Variants in EIF4EBP1 observed in about 807,000 individuals in gnomAD.
EIF4EBP1 encodes the protein eukaryotic translation initiation factor 4E-binding protein 1.
EIF4EBP1 carries 5 observed loss-of-function variants against 9.2 expected under a neutral mutation model. The ratio of observed to expected loss-of-function variants is 0.54; its 90% CI spans 0.28 to 1.14. EIF4EBP1 has a LOEUF of 1.14. Among genes scored for constraint, EIF4EBP1 ranks in the 50% most tolerant of loss-of-function variants. The pLI is 0.09. For missense variants in EIF4EBP1, 139 were observed against 169.6 expected, an observed-to-expected ratio of 0.82 and a Z score of 1.00; for synonymous variants, 62 against 67.0, an observed-to-expected ratio of 0.93 and a Z score of 0.36.
At chr8:38,051,812 G>A (rs939191046) in intron 1 of EIF4EBP1, among the ~76,000 whole-genome samples, 1 of 152,128 alleles carries the variant, frequency 6.6e-6, no homozygotes, top group Non-Finnish European at 1.5e-5. Context: ...GGCCAGGCTG[G>A]TCTCGAACTC....
chr8:38,036,559 G>C (rs189285813), intron 1 of EIF4EBP1, among the ~76,000 whole-genome samples: 8 of 152,270 alleles, frequency 5.3e-5, no homozygotes, highest in Admixed American at 2.0e-4. Flanking sequence ...GGTCAGCAGA[G>C]CAATACCATA....
At chr8:38,056,101 C>T (rs1809591625) in intron 1 of EIF4EBP1, among the ~76,000 whole-genome samples, 1 of 152,094 alleles carries the variant, frequency 6.6e-6, no homozygotes, top group South Asian at 2.1e-4. Flanking sequence ...AAGCAATCCT[C>T]CCGTCTCAGC....
At chr8:38,053,746 G>A (rs1476221408) in intron 1 of EIF4EBP1, among the ~76,000 whole-genome samples, 1 of 152,162 alleles carries the variant, frequency 6.6e-6, no homozygotes, top group Admixed American at 6.6e-5. Flanking sequence ...CCTATCACAT[G>A]CTACAGTGTG....
chr8:38,045,275 C>T (rs1314697424), intron 1 of EIF4EBP1, among the ~76,000 whole-genome samples: 1 of 152,142 alleles, frequency 6.6e-6, no homozygotes, highest in Admixed American at 6.6e-5. Flanking sequence ...GAACATCTGC[C>T]TCCAAGCACT....
chr8:38,030,874 G>T (rs947126535), intron 1 of EIF4EBP1, among the ~76,000 whole-genome samples, 156 bp downstream of exon 1: 1 of 152,218 alleles, frequency 6.6e-6, no homozygotes, highest in Non-Finnish European at 1.5e-5. Context: ...GGAAGTGGCC[G>T]CCCGCTTCCC....
intron 1 of EIF4EBP1, among the ~76,000 whole-genome samples, chr8:38,056,278 T>C (rs1809593862): frequency 6.6e-6 from 1 of 152,128 alleles, no homozygotes; most frequent in Admixed American, 6.5e-5. Flanking sequence ...AGGTGTGAGC[T>C]ACCACACCTG....
In EIF4EBP1 at chr8:38,037,469, C is replaced by T. The variant is rs373108198; in HGVS notation, c.145+6751C>T. Among the ~76,000 whole-genome samples the T allele has an allele frequency of 3.9e-5, 6 of 152,256 alleles. No individual in the cohort carries two copies. The East Asian group carries it at 1.2e-3, about 29-fold the overall frequency. ...TAGCTGGGATTACAGGCACGCACCACCACACCCAGCTAATTTTTGTATTTT... is the reference window on the plus strand; with the variant it reads ...TAGCTGGGATTACAGGCACGCACCATCACACCCAGCTAATTTTTGTATTTT... On this transcript the variant is annotated intron_variant, in intron 1 of 2. Transcript: ENST00000338825.
chr8:38,034,495 G>A (rs1030339507), intron 1 of EIF4EBP1, among the ~76,000 whole-genome samples: 2 of 152,150 alleles, frequency 1.3e-5, no homozygotes, highest in Non-Finnish European at 2.9e-5. Flanking sequence ...AATATCCAGC[G>A]ACACCATAAA....
intron 1 of EIF4EBP1, among the ~76,000 whole-genome samples, chr8:38,051,479 T>C (rs1364687275): frequency 6.6e-6 from 1 of 152,216 alleles, no homozygotes; most frequent in Non-Finnish European, 1.5e-5. Flanking sequence ...AAGTACTTCA[T>C]ACTCTTTGTA....
chr8:38,036,003 G>A (rs191994980), intron 1 of EIF4EBP1, among the ~76,000 whole-genome samples: 5 of 148,600 alleles, frequency 3.4e-5, no homozygotes, highest in East Asian at 2.1e-4. Flanking sequence ...CACCGCGCCC[G>A]GCCTATTTTA....
chr8:38,052,051 G>C (rs894881489), intron 1 of EIF4EBP1, among the ~76,000 whole-genome samples: 3 of 152,306 alleles, frequency 2.0e-5, no homozygotes, highest in Non-Finnish European at 2.9e-5. Context: ...TGGCTAAAGA[G>C]TTTTATGTGG....
At chr8:38,030,749 G>T (rs1397054255) in intron 1 of EIF4EBP1, 31 bp downstream of exon 1, 1 of 1,374,972 alleles carries the variant, frequency 7.3e-7, no homozygotes, top group Non-Finnish European at 9.3e-7. Flanking sequence ...GCCGCTTGCC[G>T]GCTCCTGGGC....
chr8:38,060,306 C>T lies in EIF4EBP1; in HGVS notation c.*371C>T. ...CCTTAGGTTGATGTGCTTGGGAAAG[C>T]TCCCTCCCCCTCCTTCCCCAAGAGA... On this transcript the variant is annotated 3_prime_UTR_variant, in exon 3 of 3. Transcript: ENST00000338825. 3.1e-6 allele frequency: 1 copy of T among 323,206 alleles called. No individual in the cohort carries two copies. Among genetic ancestry groups the T allele is most frequent in the Non-Finnish European group, 5.8e-6 (1 of 172,210 alleles). The allele number at this position is 323,206 out of a possible 1,614,324, so 20.0% of individuals were successfully genotyped here. A position where few individuals can be genotyped will look rare whatever the true frequency, so the allele number is the denominator to read the frequency against.
chr8:38,039,018 G>T (rs1585523389), intron 1 of EIF4EBP1, among the ~76,000 whole-genome samples: 2 of 151,110 alleles, frequency 1.3e-5, no homozygotes. Context: ...TCAGCCTCCT[G>T]AGTAGCTGGG....
intron 1 of EIF4EBP1, among the ~76,000 whole-genome samples, chr8:38,033,576 C>T (rs995430073): frequency 2.0e-5 from 3 of 151,542 alleles, no homozygotes; most frequent in African/African-American, 7.3e-5. Context: ...GCATGGCTGT[C>T]TGCACCTGCT....
At chr8:38,052,124 C>T (rs2130395891) in intron 1 of EIF4EBP1, among the ~76,000 whole-genome samples, 1 of 152,346 alleles carries the variant, frequency 6.6e-6, no homozygotes, top group South Asian at 2.1e-4. Flanking sequence ...TGTCAGACCA[C>T]ACCTGACCAG....
chr8:38,057,331 T>C, intron 2 of EIF4EBP1, 71 bp downstream of exon 2: 1 of 1,503,938 alleles, frequency 6.6e-7, no homozygotes, highest in Non-Finnish European at 8.9e-7. Context: ...GTCCATCCAC[T>C]GGGGGCAATT....
intron 1 of EIF4EBP1, among the ~76,000 whole-genome samples, chr8:38,038,328 G>A (rs1461057859): frequency 6.6e-6 from 1 of 151,232 alleles, no homozygotes; most frequent in Non-Finnish European, 1.5e-5. Context: ...CTAACATGGT[G>A]AAACCCCGTC....
chr8:38,040,409 C>T (rs886738327), intron 1 of EIF4EBP1, among the ~76,000 whole-genome samples: 1 of 152,226 alleles, frequency 6.6e-6, no homozygotes, highest in Admixed American at 6.5e-5. Flanking sequence ...AGGATCAGGG[C>T]TTCTTAGGTG....
Sources: allele counts gnomAD v4.1 joint callset (sites outside exome capture counted in the v4.1 genomes callset), GRCh38; gene constraint gnomAD v4.1.1; transcripts MANE v1.5; gene names NCBI Gene and HGNC (gene_info 2026-07-23, HGNC 2026-07-21).